Variants in DNPEP observed in about 807,000 individuals in gnomAD.
DNPEP encodes the protein aspartyl aminopeptidase.
A neutral mutation model predicts 59.1 loss-of-function variants in DNPEP; 46 were observed. The ratio of observed to expected loss-of-function variants is 0.78; its 90% CI spans 0.61 to 0.99. The LOEUF is 0.99. Among genes scored for constraint, DNPEP ranks in the 50% least tolerant of loss-of-function variants. The probability of loss-of-function intolerance (pLI) is 0.00; values close to 1 mark genes in which losing one functional copy is unlikely to be tolerated. For synonymous variants in DNPEP, 229 were observed against 242.2 expected (o/e 0.95, Z 0.50); for missense variants, 617 against 649.9 (o/e 0.95, Z 0.55).
chr2:219,373,629 T>C lies in DNPEP; in HGVS notation c.*663A>G, dbSNP rs1349230006. 1 of 152,270 alleles carries C rather than the reference T, an allele frequency of 6.6e-6. No homozygotes were observed. The highest frequency in any genetic ancestry group is 1.5e-5 in the Non-Finnish European group (1 of 68,076). The allele number at this position is 152,270 out of a possible 1,614,324, so 9.4% of individuals were successfully genotyped here. A position where few individuals can be genotyped will look rare whatever the true frequency, so the allele number is the denominator to read the frequency against. On this transcript the variant is annotated 3_prime_UTR_variant, in exon 15 of 15. Transcript: ENST00000273075. ...ATCCACCTGCCTTGGCCTCCCAAAA[T>C]GCTGGGAATACAGATGTGAGCCGCT...
In DNPEP at chr2:219,374,108, C is replaced by A; in HGVS notation, c.*184G>T. The A allele has an allele frequency of 1.7e-6, 1 of 600,920 alleles. No homozygotes were observed. The highest frequency in any genetic ancestry group is 3.0e-6 in the Non-Finnish European group (1 of 338,704). 37.2% of individuals were successfully genotyped at this position (600,920 alleles called of 1,614,324 possible). Reference sequence around the variant, plus strand: ...CTCCCAGGAGTGTGGCCTCCTCCACCTGCTCCCCAACTTTTCTGGTTCCAA... The same window carrying A: ...CTCCCAGGAGTGTGGCCTCCTCCACATGCTCCCCAACTTTTCTGGTTCCAA... On this transcript the variant is annotated 3_prime_UTR_variant, in exon 15 of 15. Coordinates refer to ENST00000273075, the MANE Select transcript of DNPEP (RefSeq NM_012100.4).
Position 219,387,861 on chromosome 2 carries a change from C to A in DNPEP, c.-67G>T. 6.7e-7 allele frequency: 1 copy of A among 1,494,752 alleles called. No individual in the cohort carries two copies. Among genetic ancestry groups the A allele is most frequent in the African/African-American group, 1.5e-5 (1 of 68,244 alleles). 92.6% of individuals were successfully genotyped at this position (1,494,752 alleles called of 1,614,324 possible). ...CCGCCCCTCACTAGCTTTGCAGGTCCCCCGCGTGCCCCTTCAGGCCGCGCC... is the reference window on the plus strand; with the variant it reads ...CCGCCCCTCACTAGCTTTGCAGGTCACCCGCGTGCCCCTTCAGGCCGCGCC... On this transcript the variant is annotated 5_prime_UTR_variant, in exon 1 of 15. Coordinates refer to ENST00000273075, the MANE Select transcript of DNPEP (RefSeq NM_012100.4).
At position 219,387,821 on chromosome 2, in the gene DNPEP, AC is replaced by A. The variant is rs779026676; in HGVS notation, c.-28del. On this transcript the variant is annotated 5_prime_UTR_variant, in exon 1 of 15. Coordinates refer to ENST00000273075, the MANE Select transcript of DNPEP (RefSeq NM_012100.4). Reference sequence around the variant, plus strand: ...TGGCCTCCGGGCTCGGCCCGCCCCCACCGCGCCGCCTGCCCCGCCCCTCACT... The same window carrying A: ...TGGCCTCCGGGCTCGGCCCGCCCCCACGCGCCGCCTGCCCCGCCCCTCACT... 1 of 1,249,422 alleles carries A rather than the reference AC, an allele frequency of 8.0e-7. No homozygotes were observed. The highest frequency in any genetic ancestry group is 1.0e-6 in the Non-Finnish European group (1 of 975,168). 77.4% of individuals were successfully genotyped at this position (1,249,422 alleles called of 1,614,324 possible). A position where few individuals can be genotyped will look rare whatever the true frequency, so the allele number is the denominator to read the frequency against.
In DNPEP at chr2:219,375,018, A is replaced by G; in HGVS notation, c.1244T>C (p.Leu415Pro). 6.2e-7 allele frequency: 1 copy of G among 1,614,084 alleles called. No individual in the cohort carries two copies. Among genetic ancestry groups the G allele is most frequent in the East Asian group, 2.2e-5 (1 of 44,890 alleles). ...ANKVKVPLQDLMVRNDTPCGT... is the reference protein window; with the variant it reads ...ANKVKVPLQDPMVRNDTPCGT... The stretch of plus-strand genomic sequence containing the variant: ...ACAGGGGGTGTCATTCCGGACCATG[A>G]GATCCTAGGGAGAGCAGGAGACCCA... Residue 415 changes from leucine to proline, a missense_variant, in exon 14 of 15, where the codon CTC (leucine) becomes CCC (proline). Leu to Pro is a moderately conservative substitution (Grantham distance 98, BLOSUM62 -3). Coordinates refer to ENST00000273075, the MANE Select transcript of DNPEP (RefSeq NM_012100.4).
At chr2:219,394,823 A>G (rs1319296092) in intron 1 of DNPEP, among the ~76,000 whole-genome samples, 1 of 152,102 alleles carries the variant, frequency 6.6e-6, no homozygotes, top group African/African-American at 2.4e-5. Flanking sequence ...TCTTAATCTG[A>G]ACTCCTTGTT....
intron 10 of DNPEP, 32 bp downstream of exon 10, chr2:219,383,099 A>G: frequency 6.2e-7 from 1 of 1,600,460 alleles, no homozygotes; most frequent in South Asian, 1.1e-5. Context: ...AAGACTCCGC[A>G]GAGGTGACCC....
rs1326428494 is a variant in DNPEP at position 219,387,773 on chromosome 2, G to C, written c.22C>G (p.Arg8Gly). 1 of 1,603,782 alleles carries C rather than the reference G, an allele frequency of 6.2e-7. No individual in the cohort carries two copies. The highest frequency in any genetic ancestry group is 1.4e-5 in the African/African-American group (1 of 73,960). MSGHSPTRGAMQVAMNGK... is the reference protein window; with the variant it reads MSGHSPTGGAMQVAMNGK... ...GAGCCACTTACCTGCATGGCCCCGC[G>C]CGTGGGGCTGTGTCCGCTCATCTGG... Residue 8 changes from arginine to glycine, a missense_variant, in exon 1 of 15, where the codon CGC becomes GGC. Arg to Gly is a moderately radical substitution (Grantham distance 125, BLOSUM62 -2). Coordinates refer to ENST00000273075, the MANE Select transcript of DNPEP (RefSeq NM_012100.4).
chr2:219,388,730 T>G (rs1953959378), upstream of DNPEP: 5 of 985,406 alleles, frequency 5.1e-6, no homozygotes, highest in African/African-American at 1.7e-5. Context: ...TACAAAGTGC[T>G]GTCTCTCGCC....
chr2:219,385,927 C>A (rs900762385), intron 6 of DNPEP, 41 bp downstream of exon 6: 1 of 1,609,182 alleles, frequency 6.2e-7, no homozygotes, highest in Non-Finnish European at 8.5e-7. Context: ...TGGTACCATT[C>A]TCCATCCCTC....
chr2:219,374,148 C>G lies in DNPEP; in HGVS notation c.*144G>C. 1.2e-6 allele frequency: 1 copy of G among 807,780 alleles called. No individual in the cohort carries two copies. Among genetic ancestry groups the G allele is most frequent in the African/African-American group, 1.7e-5 (1 of 58,388 alleles). The allele number at this position is 807,780 out of a possible 1,614,324, so 50.0% of individuals were successfully genotyped here. Reference sequence around the variant, plus strand: ...TCTGGTTCCAAAGGTTCAAGCCAGGCTCAACTCCCACTCCTCTAGTCTCCA... The same window carrying G: ...TCTGGTTCCAAAGGTTCAAGCCAGGGTCAACTCCCACTCCTCTAGTCTCCA... On this transcript the variant is annotated 3_prime_UTR_variant, in exon 15 of 15. Transcript: ENST00000273075.
At chr2:219,378,311 T>TG (rs1953453146) in intron 13 of DNPEP, among the ~76,000 whole-genome samples, 1 of 152,232 alleles carries the variant, frequency 6.6e-6, no homozygotes, top group South Asian at 2.1e-4. Context: ...TCTACCATCC[T>TG]GCCTTTCTCT....
At chr2:219,389,691 G>A (rs544898901), upstream of DNPEP, among the ~76,000 whole-genome samples, 4 of 152,200 alleles carry the variant, frequency 2.6e-5, no homozygotes, top group East Asian at 3.9e-4. Context: ...TTAGCCGGGT[G>A]TAGTGGCACG....
chr2:219,399,935 C>T (rs1401434549), intron 1 of DNPEP: 10 of 1,549,826 alleles, frequency 6.5e-6, no homozygotes, highest in Middle Eastern at 1.7e-4. Context: ...TGGTGACCTG[C>T]TCACCTCCTC....
chr2:219,387,475 G>C, intron 1 of DNPEP: 1 of 1,430,618 alleles, frequency 7.0e-7, no homozygotes, highest in East Asian at 2.6e-5. Context: ...GATCCCAAGC[G>C]GGCCCCATAC....
At chr2:219,380,842 T>TACACACACACACAC (rs58867229) in intron 13 of DNPEP, among the ~76,000 whole-genome samples, 1,852 of 145,766 alleles carry the variant, frequency 0.013, 29 homozygotes, top group East Asian at 0.078. Context: ...CATATATATG[T>TACACACACACACAC]ACACACACAC....
upstream of DNPEP, chr2:219,388,621 G>A (rs1953955111): frequency 6.8e-6 from 6 of 879,142 alleles, no homozygotes; most frequent in Non-Finnish European, 8.2e-6. Flanking sequence ...CTGCCGCGGA[G>A]GTGCTAGGAC....
At chr2:219,387,685 T>C in intron 1 of DNPEP, 74 bp downstream of exon 1, 1 of 1,597,730 alleles carries the variant, frequency 6.3e-7, no homozygotes, top group Non-Finnish European at 8.5e-7. Flanking sequence ...AGCACCGCGC[T>C]AAGCTTGGGC....
At chr2:219,379,827 A>G (rs1953515897) in intron 13 of DNPEP, among the ~76,000 whole-genome samples, 1 of 152,014 alleles carries the variant, frequency 6.6e-6, no homozygotes, top group South Asian at 2.1e-4. Flanking sequence ...AGGCTGAGGC[A>G]GAATCGCTTG....
At chr2:219,387,497 C>A in intron 1 of DNPEP, 1 of 1,439,248 alleles carries the variant, frequency 6.9e-7, no homozygotes, top group Non-Finnish European at 9.1e-7. Context: ...CTGAGGCGGC[C>A]TGCATCACGT....
Sources: allele counts gnomAD v4.1 joint callset (sites outside exome capture counted in the v4.1 genomes callset), GRCh38; gene constraint gnomAD v4.1.1; transcripts MANE v1.5; gene names NCBI Gene and HGNC (gene_info 2026-07-23, HGNC 2026-07-21).